EXOC2: variants seen among roughly 807,000 people sequenced by gnomAD.
EXOC2 encodes the protein SEC5-like 1.
A neutral mutation model predicts 131.8 loss-of-function variants in EXOC2; 70 were observed. That is an observed-to-expected ratio of 0.53 (90% CI 0.44 to 0.65). The LOEUF (loss-of-function observed/expected upper bound fraction) is 0.65, where lower values mean the gene tolerates loss of function less well. Among genes scored for constraint, EXOC2 ranks in the 30% least tolerant of loss-of-function variants. The pLI is 0.00. For missense variants in EXOC2, 923 were observed against 1,108.6 expected, an observed-to-expected ratio of 0.83 and a Z score of 2.38; for synonymous variants, 411 against 398.4, an observed-to-expected ratio of 1.03 and a Z score of -0.38.
intron 13 of EXOC2, among the ~76,000 whole-genome samples, chr6:571,697 A>C (rs1173949140): frequency 2.6e-5 from 4 of 152,076 alleles, no homozygotes; most frequent in African/African-American, 9.7e-5. Flanking sequence ...AAGAAGCAGA[A>C]AGTAGCCTTT....
chr6:501,099 G>GAT (rs1240556272), intron 23 of EXOC2, among the ~76,000 whole-genome samples: 1 of 68,694 alleles, frequency 1.5e-5, no homozygotes, highest in African/African-American at 6.5e-5. Context: ...CTCCTCAAAA[G>GAT]ATATATATAT....
At chr6:600,599 T>A (rs1760077215) in intron 7 of EXOC2, among the ~76,000 whole-genome samples, 1 of 152,150 alleles carries the variant, frequency 6.6e-6, no homozygotes, top group Non-Finnish European at 1.5e-5. Flanking sequence ...TTTAGTATAA[T>A]GAAATTTGGG....
intron 22 of EXOC2, among the ~76,000 whole-genome samples, chr6:544,432 A>G (rs966099210): frequency 2.0e-5 from 3 of 152,200 alleles, no homozygotes; most frequent in Non-Finnish European, 4.4e-5. Flanking sequence ...CAGTGTTTTG[A>G]AAGCAGAAAC....
chr6:679,485 C>T (rs6920642), intron 1 of EXOC2: 29 of 152,348 alleles, frequency 1.9e-4, no homozygotes, highest in African/African-American at 6.5e-4. Context: ...TCCCACGGAT[C>T]GCTGGCAGCA....
chr6:537,357 G>A (rs1385495210), intron 22 of EXOC2, among the ~76,000 whole-genome samples: 14 of 151,196 alleles, frequency 9.3e-5, no homozygotes, highest in Non-Finnish European at 1.6e-4. Context: ...GACGGCCGAC[G>A]GAGCGCACAC....
chr6:647,256 T>C (rs1411547673), intron 1 of EXOC2, among the ~76,000 whole-genome samples: 1 of 152,144 alleles, frequency 6.6e-6, no homozygotes, highest in Non-Finnish European at 1.5e-5. Context: ...GCTGCTCTCC[T>C]TGTTTCCAGA....
chr6:552,860 C>T (rs909010712), intron 21 of EXOC2, among the ~76,000 whole-genome samples: 4 of 149,954 alleles, frequency 2.7e-5, no homozygotes, highest in African/African-American at 9.8e-5. Context: ...CAGACACAGA[C>T]CACACACACA....
intron 21 of EXOC2, among the ~76,000 whole-genome samples, chr6:550,971 A>G (rs1757112121): frequency 6.6e-6 from 1 of 152,234 alleles, no homozygotes; most frequent in Non-Finnish European, 1.5e-5. Context: ...AAAAACAGAA[A>G]AGCTATTTGA....
intron 22 of EXOC2, among the ~76,000 whole-genome samples, chr6:543,851 G>A (rs956127036): frequency 1.3e-5 from 2 of 152,166 alleles, no homozygotes; most frequent in African/African-American, 4.8e-5. Flanking sequence ...AAATCTCGAT[G>A]GAAACTTCCA....
intron 6 of EXOC2, 110 bp downstream of exon 6, chr6:617,601 C>G: frequency 1.5e-6 from 2 of 1,368,034 alleles, no homozygotes; most frequent in Non-Finnish European, 9.7e-7. Context: ...CATTTGAGAT[C>G]TCTACTTTGA....
intron 11 of EXOC2, among the ~76,000 whole-genome samples, chr6:591,585 A>G (rs542888356): frequency 1.3e-5 from 2 of 152,052 alleles, no homozygotes; most frequent in East Asian, 3.9e-4. Flanking sequence ...ACTCCTAAGC[A>G]CTCCAATGTC....
intron 22 of EXOC2, among the ~76,000 whole-genome samples, chr6:542,505 C>T (rs986582551): frequency 2.6e-5 from 4 of 152,080 alleles, no homozygotes; most frequent in Admixed American, 6.5e-5. Context: ...CTTTGGTGGA[C>T]GATCAAGATT....
intron 1 of EXOC2, among the ~76,000 whole-genome samples, chr6:688,106 C>A (rs992299006): frequency 1.3e-5 from 2 of 152,172 alleles, no homozygotes; most frequent in African/African-American, 4.8e-5. Flanking sequence ...GAAGCCCCTG[C>A]GATTCTCCAC....
chr6:670,933 A>G lies in EXOC2; in HGVS notation c.-44+22086T>C, dbSNP rs553694683. On this transcript the variant is annotated intron_variant, in intron 1 of 27. Transcript: ENST00000230449. ...TAGGTCAAGAAAGTAAGTCTTTTTC[A>G]GCCAGGCACAGTGGTGCACACCTGT... Among the ~76,000 whole-genome samples, 3 of 151,948 alleles carry G rather than the reference A, an allele frequency of 2.0e-5. No individual in the cohort carries two copies. In the South Asian group the frequency reaches 6.2e-4, roughly 32 times the overall value.
At chr6:532,407 A>T in intron 23 of EXOC2, 62 bp downstream of exon 23, 1 of 1,374,222 alleles carries the variant, frequency 7.3e-7, no homozygotes. Context: ...AAAAGAATTC[A>T]AGCAAGTATC....
intron 22 of EXOC2, among the ~76,000 whole-genome samples, chr6:545,854 A>C (rs1409370413): frequency 6.6e-6 from 1 of 152,228 alleles, no homozygotes; most frequent in African/African-American, 2.4e-5. Context: ...ACGTATACCC[A>C]CATTAACAAA....
At chr6:618,179 T>G (rs1269200745) in intron 5 of EXOC2, among the ~76,000 whole-genome samples, 1 of 152,202 alleles carries the variant, frequency 6.6e-6, no homozygotes, top group East Asian at 1.9e-4. Context: ...CATCCTGTAC[T>G]AGGTAAGAAG....
chr6:624,166 A>G (rs570871009), intron 4 of EXOC2, among the ~76,000 whole-genome samples: 1 of 151,986 alleles, frequency 6.6e-6, no homozygotes, highest in South Asian at 2.1e-4. Context: ...AGAAAAAACA[A>G]AAAATGAATA....
rs1763010796 is a variant in EXOC2 at position 485,789 on chromosome 6, CAG to C, written c.*880_*881del. 1 of 152,236 alleles carries C rather than the reference CAG, an allele frequency of 6.6e-6. No individual in the cohort carries two copies. Among genetic ancestry groups the C allele is most frequent in the African/African-American group, 2.4e-5 (1 of 41,454 alleles). The allele number at this position is 152,236 out of a possible 1,614,324, so 9.4% of individuals were successfully genotyped here. A position where few individuals can be genotyped will look rare whatever the true frequency, so the allele number is the denominator to read the frequency against. Reference sequence around the variant, plus strand: ...AGATCCTTCAGCAGGTAAGAAGTGGCAGAGACAGTCACCTGCTGAAGGAGCGG... The same window carrying C: ...AGATCCTTCAGCAGGTAAGAAGTGGCAGACAGTCACCTGCTGAAGGAGCGG... On this transcript the variant is annotated 3_prime_UTR_variant, in exon 28 of 28. Coordinates refer to ENST00000230449, the MANE Select transcript of EXOC2 (RefSeq NM_018303.6).
Sources: gnomAD v4.1 joint callset for allele counts (sites outside exome capture counted in the v4.1 genomes callset) on GRCh38, gnomAD v4.1.1 for gene constraint, MANE v1.5 for transcripts, NCBI Gene and HGNC (gene_info 2026-07-23, HGNC 2026-07-21) for gene names.